MSR1: variants seen among roughly 807,000 people sequenced by gnomAD.
MSR1 encodes the protein macrophage scavenger receptor 1, also known as macrophage scavenger receptor types I and II.
In MSR1, 53 loss-of-function variants were observed where a neutral mutation model predicts 47.2. The ratio of observed to expected loss-of-function variants is 1.12; its 90% CI spans 0.90 to 1.41. MSR1 has a LOEUF of 1.41. Ranked by LOEUF, MSR1 falls within the 40% of genes most tolerant of loss-of-function variation. The pLI, the probability that MSR1 is intolerant of heterozygous loss-of-function variation, is 0.00. For synonymous variants in MSR1, 239 were observed against 185.6 expected, an observed-to-expected ratio of 1.29 and a Z score of -2.34; for missense variants, 786 against 546.9, an observed-to-expected ratio of 1.44 and a Z score of -4.36.
At chr8:16,115,296 C>T (rs1314168843) in intron 9 of MSR1, among the ~76,000 whole-genome samples, 1 of 152,168 alleles carries the variant, frequency 6.6e-6, no homozygotes, top group African/African-American at 2.4e-5. Flanking sequence ...ATGCATGTTT[C>T]TCTTTTAGTT....
chr8:16,166,151 C>G (rs895504282), intron 4 of MSR1, among the ~76,000 whole-genome samples: 1 of 144,816 alleles, frequency 6.9e-6, no homozygotes, highest in Non-Finnish European at 1.5e-5. Flanking sequence ...AAAGCTGAGG[C>G]TACTTTTTCT....
chr8:16,140,377 T>C lies in MSR1; in HGVS notation c.1033+3181A>G, dbSNP rs41488144. ...AGTATTCATTGAAGATTGAGCTGAT[T>C]CCTCAGTAAAAATCAAATGAAAAAC... is the stretch of plus-strand genomic sequence containing the variant. On this transcript the variant is annotated intron_variant, in intron 8 of 9. Transcript: ENST00000262101. 1,404 of 985,578 alleles carry C rather than the reference T, an allele frequency of 1.4e-3. 54 individuals are homozygous for C. In the East Asian group the frequency reaches 0.099, roughly 69 times the overall value. 61.1% of individuals were successfully genotyped at this position (985,578 alleles called of 1,614,324 possible). A position where few individuals can be genotyped will look rare whatever the true frequency, so the allele number is the denominator to read the frequency against.
At chr8:16,185,391 C>G (rs448578) in intron 1 of MSR1, among the ~76,000 whole-genome samples, 1,664 of 152,140 alleles carry the variant, frequency 0.011, 32 homozygotes, top group African/African-American at 0.038. Flanking sequence ...GGATTTTCTA[C>G]AGCAACCTAA....
intron 6 of MSR1, 46 bp from the exon 7 acceptor site, chr8:16,150,357 T>C (rs1036183952): frequency 4.2e-6 from 5 of 1,182,718 alleles, no homozygotes; most frequent in Admixed American, 1.9e-5. Flanking sequence ...TTCATTTTCA[T>C]ACAGACTTGA....
At chr8:16,191,453 A>T (rs1187778910) in intron 1 of MSR1, among the ~76,000 whole-genome samples, 2 of 152,198 alleles carry the variant, frequency 1.3e-5, no homozygotes, top group Admixed American at 6.5e-5. Flanking sequence ...ATTAAAAATA[A>T]TTTTTGTAAA....
At chr8:16,162,031 T>A (rs1801177147) in intron 5 of MSR1, among the ~76,000 whole-genome samples, 1 of 152,020 alleles carries the variant, frequency 6.6e-6, no homozygotes, top group African/African-American at 2.4e-5. Context: ...GAAGCAATAG[T>A]CAAAGTGAAT....
intron 1 of MSR1, chr8:16,186,332 A>T: frequency 1.3e-6 from 1 of 743,264 alleles, no homozygotes; most frequent in Non-Finnish European, 2.2e-6. Context: ...TGGTGATCTC[A>T]CTAGCCTCAT....
chr8:16,170,800 G>C (rs1303848221), intron 3 of MSR1, among the ~76,000 whole-genome samples: 7 of 152,004 alleles, frequency 4.6e-5, no homozygotes, highest in Non-Finnish European at 7.4e-5. Context: ...TTACCAACTA[G>C]GCTACTCTGA....
rs1799678220 is a variant in MSR1 at position 16,108,190 on chromosome 8, T to C, written c.*1895A>G. ...GTCATAGTACTAGTACTAGTAATAGTACTAGTAATAGCAATAGTACTAGTA... is the reference window on the plus strand; with the variant it reads ...GTCATAGTACTAGTACTAGTAATAGCACTAGTAATAGCAATAGTACTAGTA... On this transcript the variant is annotated 3_prime_UTR_variant, in exon 10 of 10. Transcript: ENST00000262101. The C allele has an allele frequency of 6.9e-6, 1 of 145,014 alleles. No individual in the cohort carries two copies. Among genetic ancestry groups the C allele is most frequent in the Admixed American group, 7.0e-5 (1 of 14,372 alleles). The allele number at this position is 145,014 out of a possible 1,614,324, so 9.0% of individuals were successfully genotyped here. A position where few individuals can be genotyped will look rare whatever the true frequency, so the allele number is the denominator to read the frequency against.
At chr8:16,116,823 A>C (rs1007188984) in intron 9 of MSR1, among the ~76,000 whole-genome samples, 2 of 152,156 alleles carry the variant, frequency 1.3e-5, no homozygotes, top group African/African-American at 4.8e-5. Flanking sequence ...CAGTGGAAAA[A>C]TATCTTTGAA....
rs1801698757 is a variant in MSR1 at position 16,177,891 on chromosome 8, G to A, written c.98C>T (p.Pro33Leu). 2 of 1,613,646 alleles carry A rather than the reference G, an allele frequency of 1.2e-6. No homozygotes were observed. Among genetic ancestry groups the A allele is most frequent in the South Asian group, 1.1e-5 (1 of 91,058 alleles). ...GCCCATCCCCCTCTACTTACTCGGA[G>A]GAAGCAAAGCTGTCATTGAGCGAGC... ...FDARSMTALLPPNPKNSPSLQ... is the reference protein window; with the variant it reads ...FDARSMTALLLPNPKNSPSLQ... The change falls in exon 2 of 10, where the codon CCT becomes CTT. Residue 33 changes from proline to leucine, a missense_variant. Coordinates refer to ENST00000262101, the MANE Select transcript of MSR1 (RefSeq NM_138715.3).
At chr8:16,175,042 C>T in intron 3 of MSR1, 145 bp downstream of exon 3, 2 of 688,784 alleles carry the variant, frequency 2.9e-6, no homozygotes, top group Non-Finnish European at 5.0e-6. Context: ...TGTTTTTTAA[C>T]TTAACAAATT....
chr8:16,164,308 G>A, intron 4 of MSR1, 57 bp from the exon 5 acceptor site: 2 of 1,448,714 alleles, frequency 1.4e-6, no homozygotes, highest in Non-Finnish European at 1.9e-6. Flanking sequence ...TATCAAATAT[G>A]AAAGTTCAAG....
At chr8:16,168,274 G>A (rs766415250) in intron 4 of MSR1, among the ~76,000 whole-genome samples, 184 bp downstream of exon 4, 7 of 152,170 alleles carry the variant, frequency 4.6e-5, no homozygotes, top group Admixed American at 6.5e-5. Flanking sequence ...AGAGTTTAGA[G>A]AAGGCGAATC....
chr8:16,187,399 G>GAAAAAGC (rs1261056641), intron 1 of MSR1, among the ~76,000 whole-genome samples: 1 of 88,954 alleles, frequency 1.1e-5, no homozygotes, highest in East Asian at 3.4e-4. Context: ...AGGAAAGAAA[G>GAAAAAGC]AAAAAGCAAG....
chr8:16,143,490 A>C (rs1037834550), intron 8 of MSR1, 68 bp downstream of exon 8: 2 of 1,408,254 alleles, frequency 1.4e-6, no homozygotes, highest in African/African-American at 1.4e-5. Flanking sequence ...CCTCAAGCCC[A>C]GATCTCTAGT....
At chr8:16,111,874 T>TTCTCACCCTGTATCCACCC (rs1319903072) in intron 9 of MSR1, among the ~76,000 whole-genome samples, 1 of 152,166 alleles carries the variant, frequency 6.6e-6, no homozygotes, top group Admixed American at 6.5e-5. Context: ...TCGCACAGGA[T>TTCTCACCCTGTATCCACCC]TCTCACCCTG....
At chr8:16,118,341 C>T (rs1225286757) in intron 9 of MSR1, among the ~76,000 whole-genome samples, 3 of 152,110 alleles carry the variant, frequency 2.0e-5, no homozygotes, top group Non-Finnish European at 4.4e-5. Flanking sequence ...TAGATGGTAA[C>T]AGTCACTTGA....
At chr8:16,118,061 C>T (rs568007735) in intron 9 of MSR1, among the ~76,000 whole-genome samples, 3 of 152,244 alleles carry the variant, frequency 2.0e-5, no homozygotes, top group African/African-American at 7.2e-5. Context: ...CTTGTCAGAT[C>T]TCTGCATAAT....
Sources: allele counts gnomAD v4.1 joint callset (sites outside exome capture counted in the v4.1 genomes callset), GRCh38; gene constraint gnomAD v4.1.1; transcripts MANE v1.5; gene names NCBI Gene and HGNC (gene_info 2026-07-23, HGNC 2026-07-21).